The following CMSS1 variants were observed in gnomAD, a reference collection of about 807,000 sequenced individuals.
CMSS1 encodes protein CMSS1.
In CMSS1, 33 loss-of-function variants were observed where a neutral mutation model predicts 43.5. The observed-to-expected ratio is 0.76, with a 90% CI of 0.57 to 1.01. The LOEUF (loss-of-function observed/expected upper bound fraction) is 1.01. Ranked by LOEUF, CMSS1 falls within the 50% of genes least tolerant of loss-of-function variation. CMSS1 has a pLI of 0.00. For missense variants in CMSS1, 313 were observed against 326.4 expected (o/e 0.96, Z 0.32); for synonymous variants, 115 against 117.2 (o/e 0.98, Z 0.12).
At chr3:100,003,354 C>G (rs1407764130) in intron 1 of CMSS1, among the ~76,000 whole-genome samples, 2 of 152,224 alleles carry the variant, frequency 1.3e-5, no homozygotes, top group Non-Finnish European at 2.9e-5. Context: ...ATGCCCAGCA[C>G]TGTCAGGGTT....
At chr3:100,046,474 A>G (rs2065281078) in intron 1 of CMSS1, among the ~76,000 whole-genome samples, 1 of 151,772 alleles carries the variant, frequency 6.6e-6, no homozygotes, top group Non-Finnish European at 1.5e-5. Context: ...GGTAGATCAT[A>G]GTTTTATCTC....
chr3:100,142,506 GTGGATTT>G (rs1250316944), intron 1 of CMSS1, among the ~76,000 whole-genome samples: 1 of 152,148 alleles, frequency 6.6e-6, no homozygotes, highest in Non-Finnish European at 1.5e-5. Flanking sequence ...TTGAGCATCT[GTGGATTT>G]TGGTAGGTGA....
At position 99,978,866 on chromosome 3, in the gene CMSS1, C is replaced by T. The variant is rs948209205; in HGVS notation, c.64+160823C>T. ...CACCACTGCACTCCAGCCTGGGCAACAGAGCGAGACTCTTGTTTACAAAAA... is the reference window on the plus strand; with the variant it reads ...CACCACTGCACTCCAGCCTGGGCAATAGAGCGAGACTCTTGTTTACAAAAA... On this transcript the variant is annotated intron_variant, in intron 1 of 9. Coordinates refer to ENST00000421999, the MANE Select transcript of CMSS1 (RefSeq NM_032359.4). Among the ~76,000 whole-genome samples the T allele has an allele frequency of 3.3e-5, 5 of 151,582 alleles. No individual in the cohort carries two copies. The South Asian group carries it at 8.3e-4, about 25-fold the overall frequency.
At chr3:100,164,123 A>G (rs1247986512) in intron 4 of CMSS1, among the ~76,000 whole-genome samples, 1 of 152,252 alleles carries the variant, frequency 6.6e-6, no homozygotes. Flanking sequence ...AAGCCCAGAC[A>G]GTTCCAATAG....
intron 1 of CMSS1, chr3:100,114,878 T>G: frequency 1.8e-6 from 2 of 1,135,550 alleles, no homozygotes; most frequent in Non-Finnish European, 2.5e-6. Flanking sequence ...CTGTAAACAT[T>G]CGCTATTATT....
intron 1 of CMSS1, among the ~76,000 whole-genome samples, chr3:99,929,475 G>GT (rs992616648): frequency 3.3e-4 from 50 of 151,748 alleles, no homozygotes; most frequent in Admixed American, 2.4e-3. Context: ...TGAACTTTAT[G>GT]TTTTTTATTA....
At chr3:100,115,431 A>G (rs916253449) in intron 1 of CMSS1, among the ~76,000 whole-genome samples, 17 of 152,176 alleles carry the variant, frequency 1.1e-4, no homozygotes, top group African/African-American at 3.1e-4. Flanking sequence ...TTTAATTTTT[A>G]ACATCAAAAT....
chr3:100,125,232 C>A (rs181569373), intron 1 of CMSS1, among the ~76,000 whole-genome samples: 96 of 152,254 alleles, frequency 6.3e-4, no homozygotes, highest in Admixed American at 2.4e-3. Context: ...CTTCTCATGA[C>A]GGAACATAAC....
At chr3:99,899,064 C>G (rs1374452349) in intron 1 of CMSS1, among the ~76,000 whole-genome samples, 1 of 152,156 alleles carries the variant, frequency 6.6e-6, no homozygotes, top group East Asian at 1.9e-4. Flanking sequence ...ATTAGGACCT[C>G]AAAGACAGCT....
At chr3:100,066,517 C>CTTTTTTTT (rs545356638) in intron 1 of CMSS1, among the ~76,000 whole-genome samples, 9 of 38,320 alleles carry the variant, frequency 2.3e-4, no homozygotes, top group South Asian at 1.5e-3. Flanking sequence ...GGCTTTGCTT[C>CTTTTTTTT]TTTTTTTTTT....
chr3:99,862,425 C>G (rs752871821), intron 1 of CMSS1, among the ~76,000 whole-genome samples: 3 of 152,158 alleles, frequency 2.0e-5, no homozygotes, highest in Non-Finnish European at 4.4e-5. Context: ...TTTCATGGAT[C>G]TTTTCAGCTA....
intron 1 of CMSS1, among the ~76,000 whole-genome samples, chr3:100,006,412 T>C (rs1709987069): frequency 6.6e-6 from 1 of 152,122 alleles, no homozygotes; most frequent in African/African-American, 2.4e-5. Flanking sequence ...TCCCCATAAT[T>C]ATCATAACTA....
At chr3:99,859,046 C>CTAAATG (rs1944111585) in intron 1 of CMSS1, among the ~76,000 whole-genome samples, 1 of 152,204 alleles carries the variant, frequency 6.6e-6, no homozygotes, top group Non-Finnish European at 1.5e-5. Context: ...TCTCCCAGTC[C>CTAAATG]ACAGAAAAGT....
chr3:100,170,127 A>T (rs976573332), intron 6 of CMSS1, among the ~76,000 whole-genome samples: 6 of 152,196 alleles, frequency 3.9e-5, no homozygotes, highest in African/African-American at 1.4e-4. Context: ...ACTTATTTTA[A>T]ATTGTCTTCC....
chr3:99,905,786 GA>G (rs1254265010), intron 1 of CMSS1, among the ~76,000 whole-genome samples: 1 of 152,182 alleles, frequency 6.6e-6, no homozygotes, highest in African/African-American at 2.4e-5. Flanking sequence ...CATGCATGTG[GA>G]CTCTCATATT....
chr3:100,063,797 A>G lies in CMSS1; in HGVS notation c.65-83176A>G, dbSNP rs554747356. ...GGACTTCAGGGTACAGAGGAAAACT[A>G]ATTTTTAAAGCATCTAATTTCTTCT... is the stretch of plus-strand genomic sequence containing the variant. On this transcript the variant is annotated intron_variant, in intron 1 of 9. Transcript: ENST00000421999. Among the ~76,000 whole-genome samples, 19 of 152,338 alleles carry G rather than the reference A, an allele frequency of 1.2e-4. No individual in the cohort carries two copies. The South Asian group carries it at 3.1e-3, about 25-fold the overall frequency.
intron 1 of CMSS1, among the ~76,000 whole-genome samples, chr3:99,878,548 G>T (rs1297863657): frequency 6.6e-6 from 1 of 152,172 alleles, no homozygotes; most frequent in Non-Finnish European, 1.5e-5. Context: ...AGGTATGTTT[G>T]GTAAAGGAGT....
At chr3:99,880,351 C>G (rs1705681821) in intron 1 of CMSS1, among the ~76,000 whole-genome samples, 1 of 152,130 alleles carries the variant, frequency 6.6e-6, no homozygotes, top group African/African-American at 2.4e-5. Context: ...CTTTAACCAG[C>G]AGACCTTAAT....
chr3:100,011,065 G>T (rs1290979214), intron 1 of CMSS1, among the ~76,000 whole-genome samples: 1 of 152,010 alleles, frequency 6.6e-6, no homozygotes, highest in East Asian at 1.9e-4. Flanking sequence ...ATGGTACCAG[G>T]GCTTGTGGTC....
Sources: gnomAD v4.1 joint callset for allele counts (sites outside exome capture counted in the v4.1 genomes callset) on GRCh38, gnomAD v4.1.1 for gene constraint, MANE v1.5 for transcripts, NCBI Gene and HGNC (gene_info 2026-07-23, HGNC 2026-07-21) for gene names.